The following VPS13B variants were observed in gnomAD, a reference collection of about 807,000 sequenced individuals.
The protein encoded by VPS13B is intermembrane lipid transfer protein VPS13B.
A neutral mutation model predicts 426.4 loss-of-function variants in VPS13B; 285 were observed. That is an observed-to-expected ratio of 0.67 (90% confidence interval 0.61 to 0.74). The LOEUF is 0.74. VPS13B is among the 30% of genes least tolerant of loss of function. The pLI is 0.00. For synonymous variants in VPS13B, 1,676 were observed against 1,676.4 expected (o/e 1.00, Z 0.01); for missense variants, 4,537 against 4,782.6 (o/e 0.95, Z 1.51).
In VPS13B at chr8:99,832,557, G is replaced by T. The variant is rs747662530; in HGVS notation, c.9519G>T (p.Gln3173His). 6.2e-7 allele frequency: 1 copy of T among 1,613,882 alleles called. No individual in the cohort carries two copies. Among genetic ancestry groups the T allele is most frequent in the South Asian group, 1.1e-5 (1 of 91,072 alleles). ...CTGCCCCAGGTGCTGACAGCTCACA[G>T]TGCTGGAGCCTGCCAGCTATAGTTA... ...FSPAPGADSSQCWSLPAIVRP... is the reference protein window; with the variant it reads ...FSPAPGADSSHCWSLPAIVRP... Residue 3173 changes from glutamine (Q) to histidine (H), a missense_variant, in exon 52 of 62, where the codon CAG (glutamine) becomes CAT (histidine). Transcript: ENST00000357162.
intron 35 of VPS13B, among the ~76,000 whole-genome samples, chr8:99,682,121 G>A (rs1049492299): frequency 2.0e-5 from 3 of 152,104 alleles, no homozygotes; most frequent in African/African-American, 7.2e-5. Context: ...GAGACTTTTG[G>A]GACAAACTAT....
intron 30 of VPS13B, among the ~76,000 whole-genome samples, chr8:99,555,707 T>G (rs545193298): frequency 6.6e-6 from 1 of 152,310 alleles, no homozygotes; most frequent in South Asian, 2.1e-4. Context: ...AAAACCTTCA[T>G]GAAAATTTTT....
At chr8:99,734,125 GT>G (rs1000631814) in intron 39 of VPS13B, among the ~76,000 whole-genome samples, 66 of 152,172 alleles carry the variant, frequency 4.3e-4, no homozygotes, top group African/African-American at 1.5e-3. Context: ...TATAAATATA[GT>G]TTTTTTGTGA....
Position 99,121,225 on chromosome 8 carries a change from A to C in VPS13B, c.986A>C (p.Lys329Thr), listed in dbSNP as rs1195441250. ...GATATGCAATATCCTGCTCAGCATA[A>C]AGGTCAAGAGTTATATTCACAGCAA... Reference protein sequence around the residue: ...RIDMQYPAQHKGQELYSQQDE... With the variant: ...RIDMQYPAQHTGQELYSQQDE... The change falls in exon 8 of 62, where the codon AAA becomes ACA. Residue 329 changes from lysine (K) to threonine (T), a missense_variant. Coordinates refer to ENST00000357162, the MANE Select transcript of VPS13B (RefSeq NM_152564.5). 8 of 1,614,076 alleles carry C rather than the reference A, an allele frequency of 5.0e-6. No individual in the cohort carries two copies. The highest frequency in any genetic ancestry group is 5.9e-6 in the Non-Finnish European group (7 of 1,179,996).
intron 25 of VPS13B, among the ~76,000 whole-genome samples, chr8:99,483,885 C>T (rs1820169792): frequency 6.6e-6 from 1 of 151,988 alleles, no homozygotes; most frequent in South Asian, 2.1e-4. Context: ...AGTGTGAATC[C>T]TACACTCTAG....
intron 34 of VPS13B, among the ~76,000 whole-genome samples, chr8:99,656,542 T>C (rs1830024109): frequency 6.6e-6 from 1 of 152,190 alleles, no homozygotes; most frequent in African/African-American, 2.4e-5. Flanking sequence ...CCCTGAAGAA[T>C]GTGTAATATG....
rs570015537 is a variant in VPS13B at position 99,851,196 on chromosome 8, A to G, written c.10062-2255A>G. On this transcript the variant is annotated intron_variant, in intron 55 of 61. Transcript: ENST00000357162. Reference sequence around the variant, plus strand: ...GGGCATAAATGTTAATAACAATAGAAGCAAACTTTCATGAGAAAGGTACAA... The same window carrying G: ...GGGCATAAATGTTAATAACAATAGAGGCAAACTTTCATGAGAAAGGTACAA... Among the ~76,000 whole-genome samples, 4 of 152,334 alleles carry G rather than the reference A, an allele frequency of 2.6e-5. No individual in the cohort carries two copies. The South Asian group carries it at 8.3e-4, about 32-fold the overall frequency.
At chr8:99,374,966 T>G (rs575279994) in intron 19 of VPS13B, among the ~76,000 whole-genome samples, 1 of 152,324 alleles carries the variant, frequency 6.6e-6, no homozygotes, top group African/African-American at 2.4e-5. Context: ...AGTTTAAGGT[T>G]TAGAGTACGC....
intron 16 of VPS13B, among the ~76,000 whole-genome samples, chr8:99,177,257 G>A (rs1342076565): frequency 6.6e-6 from 1 of 152,064 alleles, no homozygotes; most frequent in Non-Finnish European, 1.5e-5. Context: ...CTATGATAGG[G>A]GCACTGCATT....
At chr8:99,294,100 T>C (rs1437311474) in intron 19 of VPS13B, among the ~76,000 whole-genome samples, 1 of 80,442 alleles carries the variant, frequency 1.2e-5, no homozygotes, top group East Asian at 2.5e-4. Flanking sequence ...CATATGTTTA[T>C]TGCGGCATTA....
At chr8:99,592,405 T>A (rs1026377852) in intron 33 of VPS13B, among the ~76,000 whole-genome samples, 6 of 152,034 alleles carry the variant, frequency 3.9e-5, no homozygotes, top group African/African-American at 1.4e-4. Context: ...CGCTCTGGTT[T>A]TTAGAAATTT....
At chr8:99,412,129 AT>A (rs2133360390) in intron 21 of VPS13B, among the ~76,000 whole-genome samples, 1 of 152,334 alleles carries the variant, frequency 6.6e-6, no homozygotes, top group South Asian at 2.1e-4. Context: ...GAATGTATAA[AT>A]TACTTTGGGC....
chr8:99,176,160 G>A (rs1376926559), intron 16 of VPS13B, among the ~76,000 whole-genome samples: 2 of 150,578 alleles, frequency 1.3e-5, no homozygotes, highest in East Asian at 1.9e-4. Flanking sequence ...TTTTTGAGAC[G>A]AAGTCTTGGT....
At chr8:99,110,716 T>G (rs945358681) in intron 5 of VPS13B, among the ~76,000 whole-genome samples, 8 of 151,980 alleles carry the variant, frequency 5.3e-5, no homozygotes, top group Non-Finnish European at 1.2e-4. Context: ...AATGAATGAC[T>G]TCTTCAAAAA....
intron 56 of VPS13B, among the ~76,000 whole-genome samples, chr8:99,857,753 G>A (rs1337085267): frequency 1.3e-5 from 2 of 152,196 alleles, no homozygotes; most frequent in African/African-American, 2.4e-5. Flanking sequence ...CCAGACAGCA[G>A]CTCAGTCACC....
intron 28 of VPS13B, among the ~76,000 whole-genome samples, chr8:99,508,755 A>G (rs1447908417): frequency 6.6e-6 from 1 of 152,074 alleles, no homozygotes; most frequent in Non-Finnish European, 1.5e-5. Flanking sequence ...TATAAATTAA[A>G]TGCCATTTAA....
chr8:99,082,394 T>G (rs1276123181), intron 3 of VPS13B, among the ~76,000 whole-genome samples: 1 of 152,234 alleles, frequency 6.6e-6, no homozygotes, highest in African/African-American at 2.4e-5. Context: ...TGCAAAAATT[T>G]TCTCCCATTC....
At position 99,370,605 on chromosome 8, in the gene VPS13B, CTTTT is replaced by C. The variant is rs1047111709; in HGVS notation, c.2825-13584_2825-13581del. On this transcript the variant is annotated intron_variant, in intron 19 of 61. Coordinates refer to ENST00000357162, the MANE Select transcript of VPS13B (RefSeq NM_152564.5). ...ATGTCTACATATATTGAGTGAAGGG[CTTTT>C]TTTTTTTTTTTTTTTTTTGAGATGG... Among the ~76,000 whole-genome samples, 7 of 99,462 alleles carry C rather than the reference CTTTT, an allele frequency of 7.0e-5. No individual in the cohort carries two copies. The East Asian group carries it at 1.3e-3, about 19-fold the overall frequency. The allele number at this position is 99,462 out of a possible 152,430, so 65.3% of individuals were successfully genotyped here. A position where few individuals can be genotyped will look rare whatever the true frequency, so the allele number is the denominator to read the frequency against.
intron 55 of VPS13B, among the ~76,000 whole-genome samples, 160 bp downstream of exon 55, chr8:99,849,054 C>T (rs942861986): frequency 2.0e-5 from 3 of 152,162 alleles, no homozygotes; most frequent in Non-Finnish European, 4.4e-5. Context: ...TAAATCATCC[C>T]TTCAATAGGT....
Sources: gnomAD v4.1 joint callset for allele counts (sites outside exome capture counted in the v4.1 genomes callset) on GRCh38, gnomAD v4.1.1 for gene constraint, MANE v1.5 for transcripts, NCBI Gene and HGNC (gene_info 2026-07-23, HGNC 2026-07-21) for gene names.